Variants in GNG2 observed in about 807,000 individuals in gnomAD.
The protein encoded by GNG2 is guanine nucleotide-binding protein G(I)/G(S)/G(O) subunit gamma-2.
In GNG2, 5 loss-of-function variants were observed where a neutral mutation model predicts 5.5. That is an observed-to-expected ratio of 0.91 (90% CI 0.48 to 1.92). The LOEUF (loss-of-function observed/expected upper bound fraction) is 1.92. Ranked by LOEUF, GNG2 falls within the 30% of genes most tolerant of loss-of-function variation. The pLI is 0.01. For missense variants in GNG2, 55 were observed against 88.4 expected (o/e 0.62, Z 1.52); for synonymous variants, 28 against 32.0 (o/e 0.88, Z 0.42).
At chr14:51,858,941 T>A (rs1346066160), upstream of GNG2, among the ~76,000 whole-genome samples, 1 of 152,160 alleles carries the variant, frequency 6.6e-6, no homozygotes, top group Non-Finnish European at 1.5e-5. Flanking sequence ...ACTGTTCAAA[T>A]CAAAACAAAG....
In GNG2 at chr14:51,966,535, G is replaced by C. The variant is rs753223758; in HGVS notation, c.88-24G>C. 5.0e-6 allele frequency: 8 copies of C among 1,610,364 alleles called. No homozygotes were observed. The South Asian group carries it at 6.6e-5, about 13-fold the overall frequency. On this transcript the variant is annotated intron_variant, in intron 3 of 3. Coordinates refer to ENST00000556766, the MANE Select transcript of GNG2 (RefSeq NM_053064.5). The stretch of plus-strand genomic sequence containing the variant: ...ACTGACTGTACCAGACTCCAGTGTT[G>C]GTTGTTTTTGTCTCCCTTTCCAGGT...
At chr14:51,918,580 A>G (rs1324644979) in intron 2 of GNG2, 1 of 152,226 alleles carries the variant, frequency 6.6e-6, no homozygotes, top group Non-Finnish European at 1.5e-5. Context: ...TCCAATAATT[A>G]ATGCTGTGAA....
At chr14:51,906,258 C>A (rs1437213014) in intron 2 of GNG2, among the ~76,000 whole-genome samples, 1 of 152,174 alleles carries the variant, frequency 6.6e-6, no homozygotes, top group Admixed American at 6.5e-5. Flanking sequence ...TCATATTAAG[C>A]TTTGTTTTTT....
intron 2 of GNG2, among the ~76,000 whole-genome samples, chr14:51,833,629 A>T (rs920129565): frequency 2.6e-5 from 4 of 152,254 alleles, no homozygotes; most frequent in Admixed American, 6.5e-5. Flanking sequence ...AACAGTGCTC[A>T]AGAAGTCTTA....
At chr14:51,910,143 T>A (rs1490337234) in intron 2 of GNG2, among the ~76,000 whole-genome samples, 1 of 152,100 alleles carries the variant, frequency 6.6e-6, no homozygotes, top group East Asian at 1.9e-4. Flanking sequence ...TAATCACAAA[T>A]ATAGATTTGG....
intron 2 of GNG2, chr14:51,916,056 T>C (rs986312877): frequency 6.5e-6 from 1 of 153,040 alleles, no homozygotes; most frequent in African/African-American, 2.4e-5. Flanking sequence ...AGGAGCCTAT[T>C]CCTGTTTGTT....
chr14:51,958,446 C>G (rs1342430169), intron 3 of GNG2, among the ~76,000 whole-genome samples: 2 of 145,258 alleles, frequency 1.4e-5, no homozygotes, highest in Admixed American at 7.0e-5. Context: ...CGTTCCCCCC[C>G]CCCATTTATA....
intron 2 of GNG2, among the ~76,000 whole-genome samples, chr14:51,919,603 A>G (rs959710713): frequency 2.6e-5 from 4 of 152,230 alleles, no homozygotes; most frequent in Non-Finnish European, 5.9e-5. Context: ...CGGTTTGACA[A>G]CATAACCAGT....
chr14:51,881,782 T>G (rs983923595), intron 2 of GNG2, among the ~76,000 whole-genome samples: 8 of 150,466 alleles, frequency 5.3e-5, no homozygotes, highest in Admixed American at 1.3e-4. Flanking sequence ...TCCAAAGCAT[T>G]CTATTTCAAT....
intron 2 of GNG2, among the ~76,000 whole-genome samples, chr14:51,889,445 G>C (rs1332315189): frequency 1.3e-5 from 2 of 152,088 alleles, no homozygotes; most frequent in African/African-American, 4.8e-5. Context: ...ATTTGATAGT[G>C]GTGATGGGTA....
At chr14:51,913,826 C>G (rs761424070) in intron 2 of GNG2, among the ~76,000 whole-genome samples, 6 of 152,192 alleles carry the variant, frequency 3.9e-5, no homozygotes, top group Non-Finnish European at 5.9e-5. Flanking sequence ...TTAAAGTACT[C>G]TATATTCTCC....
At chr14:51,916,383 T>C in intron 2 of GNG2, 1 of 432,228 alleles carries the variant, frequency 2.3e-6, no homozygotes, top group South Asian at 1.7e-5. Context: ...CAGAATATGG[T>C]GGGAAAACGT....
At chr14:51,937,213 G>C (rs184565567) in intron 2 of GNG2, among the ~76,000 whole-genome samples, 1 of 152,318 alleles carries the variant, frequency 6.6e-6, no homozygotes, top group Non-Finnish European at 1.5e-5. Context: ...AGACTAAAAA[G>C]TGGCTCTGTG....
chr14:51,923,638 TA>T (rs1887152158), intron 2 of GNG2, among the ~76,000 whole-genome samples: 1 of 152,108 alleles, frequency 6.6e-6, no homozygotes, highest in Admixed American at 6.5e-5. Context: ...TGGCTGACCT[TA>T]AATGGATTTC....
intron 2 of GNG2, among the ~76,000 whole-genome samples, chr14:51,887,672 G>T (rs1032003044): frequency 6.6e-6 from 1 of 152,154 alleles, no homozygotes. Context: ...AAGAGCTGGG[G>T]CTGTGGGGTT....
intron 2 of GNG2, among the ~76,000 whole-genome samples, chr14:51,912,587 G>C (rs555510079): frequency 6.6e-6 from 1 of 152,206 alleles, no homozygotes; most frequent in Non-Finnish European, 1.5e-5. Flanking sequence ...TTACTGCTGG[G>C]CTTCTTCAGA....
intron 2 of GNG2, among the ~76,000 whole-genome samples, chr14:51,943,086 G>C (rs1353728362): frequency 6.6e-6 from 1 of 152,090 alleles, no homozygotes; most frequent in Non-Finnish European, 1.5e-5. Context: ...TCTACTGCTG[G>C]GCATGCCTCT....
chr14:51,887,223 A>G (rs1464187527), intron 2 of GNG2, among the ~76,000 whole-genome samples: 5 of 152,180 alleles, frequency 3.3e-5, no homozygotes, highest in East Asian at 1.9e-4. Context: ...CAAGTTTGCT[A>G]CAAAAACTAG....
intron 2 of GNG2, among the ~76,000 whole-genome samples, chr14:51,922,630 T>G (rs1887084003): frequency 6.6e-6 from 1 of 152,168 alleles, no homozygotes; most frequent in Admixed American, 6.6e-5. Context: ...CTAGCCTATC[T>G]TCCTCCCTTG....
Sources: allele counts gnomAD v4.1 joint callset (sites outside exome capture counted in the v4.1 genomes callset), GRCh38; gene constraint gnomAD v4.1.1; transcripts MANE v1.5; gene names NCBI Gene and HGNC (gene_info 2026-07-23, HGNC 2026-07-21).